ATP6V1E1: variants seen among roughly 807,000 people sequenced by gnomAD.
ATP6V1E1 encodes the protein ATPase H+ transporting V1 subunit E1, also known as V-type proton ATPase subunit E 1.
Under a neutral mutation model 35.2 loss-of-function variants are expected in ATP6V1E1, and 21 were observed. The ratio of observed to expected loss-of-function variants is 0.60; its 90% CI spans 0.42 to 0.86. The LOEUF is 0.86. Among genes scored for constraint, ATP6V1E1 ranks in the 40% least tolerant of loss-of-function variants. The probability of loss-of-function intolerance (pLI) is 0.00; values close to 1 mark genes in which losing one functional copy is unlikely to be tolerated. For synonymous variants in ATP6V1E1, 83 were observed against 87.8 expected (o/e 0.95, Z 0.30); for missense variants, 183 against 272.6 (o/e 0.67, Z 2.32).
intron 2 of ATP6V1E1, among the ~76,000 whole-genome samples, chr22:17,617,903 G>A (rs2057854916): frequency 6.6e-6 from 1 of 152,164 alleles, no homozygotes; most frequent in South Asian, 2.1e-4. Context: ...TCTGCATTCT[G>A]GGATCAAGCG....
intron 4 of ATP6V1E1, among the ~76,000 whole-genome samples, chr22:17,609,105 AAAACAAAACAAAC>A (rs1408660923): frequency 0.013 from 1,316 of 104,768 alleles, 21 homozygotes; most frequent in African/African-American, 0.061. Context: ...AAAACAAAAC[AAAACAAAACAAAC>A]AAACAAACAA....
At chr22:17,616,407 G>A (rs753785885) in intron 2 of ATP6V1E1, among the ~76,000 whole-genome samples, 2 of 152,166 alleles carry the variant, frequency 1.3e-5, no homozygotes, top group South Asian at 2.1e-4. Context: ...GGCCAGGCGT[G>A]GTGGCTCACG....
intron 7 of ATP6V1E1, chr22:17,597,903 T>G: frequency 2.7e-6 from 1 of 370,976 alleles, no homozygotes; most frequent in Non-Finnish European, 5.0e-6. Context: ...GGTCTCGATC[T>G]CTTGACCTTG....
intron 5 of ATP6V1E1, 108 bp from the exon 6 acceptor site, chr22:17,600,203 G>T: frequency 1.0e-6 from 1 of 977,744 alleles, no homozygotes; most frequent in Non-Finnish European, 1.6e-6. Flanking sequence ...GGAAGGCCAA[G>T]GCGGGCGGAT....
chr22:17,594,816 G>T, intron 7 of ATP6V1E1, 200 bp from the exon 8 acceptor site: 1 of 408,106 alleles, frequency 2.5e-6, no homozygotes, highest in Non-Finnish European at 4.4e-6. Context: ...CCGCCTAGAT[G>T]TCCATTATAT....
chr22:17,604,029 A>G (rs1461229545), intron 4 of ATP6V1E1, among the ~76,000 whole-genome samples: 1 of 152,216 alleles, frequency 6.6e-6, no homozygotes, highest in Admixed American at 6.5e-5. Context: ...GTAATTAAGG[A>G]GTTTTAAAAG....
chr22:17,618,324 A>G (rs138912990), intron 2 of ATP6V1E1, among the ~76,000 whole-genome samples: 2 of 152,292 alleles, frequency 1.3e-5, no homozygotes, highest in Admixed American at 1.3e-4. Flanking sequence ...AGGAAAATTT[A>G]TTTTTTAATG....
At chr22:17,593,049 C>T (rs2057713060) in intron 8 of ATP6V1E1, among the ~76,000 whole-genome samples, 1 of 151,942 alleles carries the variant, frequency 6.6e-6, no homozygotes, top group Admixed American at 6.6e-5. Flanking sequence ...CGGCCTCCCA[C>T]AGTGCTGGGA....
intron 1 of ATP6V1E1, among the ~76,000 whole-genome samples, chr22:17,626,870 G>A (rs2057908903): frequency 6.6e-6 from 1 of 151,362 alleles, no homozygotes; most frequent in Non-Finnish European, 1.5e-5. Context: ...TTAGAGATAA[G>A]GTCTATGTTG....
chr22:17,609,158 A>G (rs895039714), intron 4 of ATP6V1E1, among the ~76,000 whole-genome samples: 1 of 136,380 alleles, frequency 7.3e-6, no homozygotes, highest in African/African-American at 2.8e-5. Flanking sequence ...ATACAACTGC[A>G]CTTCCTTTTT....
At position 17,602,380 on chromosome 22, in the gene ATP6V1E1, C is replaced by CA. The variant is rs1555957419; in HGVS notation, c.277-1200_277-1199insT. Among the ~76,000 whole-genome samples the CA allele has an allele frequency of 5.4e-5, 8 of 147,386 alleles. No homozygotes were observed. The East Asian group carries it at 7.9e-4, about 15-fold the overall frequency. The stretch of plus-strand genomic sequence containing the variant: ...TTAAGGGCTAAAAGAAAACTCAAGG[C>CA]TTTTTTTTTTCTTTGAGACAGTCTC... On this transcript the variant is annotated intron_variant, in intron 4 of 8. Transcript: ENST00000253413.
At chr22:17,596,525 C>G (rs2057733236) in intron 7 of ATP6V1E1, among the ~76,000 whole-genome samples, 1 of 152,032 alleles carries the variant, frequency 6.6e-6, no homozygotes, top group Admixed American at 6.6e-5. Flanking sequence ...GAGGCCCTCA[C>G]CAGATGCAGC....
At chr22:17,627,530 A>G (rs910053519) in intron 1 of ATP6V1E1, among the ~76,000 whole-genome samples, 2 of 151,890 alleles carry the variant, frequency 1.3e-5, no homozygotes, top group East Asian at 3.9e-4. Context: ...GATTAACAGT[A>G]CATACAGGCC....
intron 4 of ATP6V1E1, among the ~76,000 whole-genome samples, chr22:17,603,053 T>G (rs1601377961): frequency 6.6e-6 from 1 of 152,056 alleles, no homozygotes; most frequent in Non-Finnish European, 1.5e-5. Flanking sequence ...ACCTCCCGGG[T>G]TCAAGCGATT....
intron 8 of ATP6V1E1, 137 bp from the exon 9 acceptor site, chr22:17,592,873 C>T (rs1029026025): frequency 5.4e-6 from 4 of 740,722 alleles, no homozygotes; most frequent in South Asian, 1.6e-5. Flanking sequence ...CGCATCTCCG[C>T]TCATTGCAAG....
intron 4 of ATP6V1E1, among the ~76,000 whole-genome samples, chr22:17,602,609 T>C (rs1343346473): frequency 6.6e-6 from 1 of 151,434 alleles, no homozygotes; most frequent in Non-Finnish European, 1.5e-5. Flanking sequence ...TCTCCTAACC[T>C]CGTGATCCGC....
intron 1 of ATP6V1E1, among the ~76,000 whole-genome samples, chr22:17,620,214 C>T (rs2057868855): frequency 6.7e-6 from 1 of 149,040 alleles, no homozygotes; most frequent in Admixed American, 6.8e-5. Flanking sequence ...GTGGCATGAT[C>T]TCGGCTCACT....
At chr22:17,612,664 T>C (rs947253648) in intron 4 of ATP6V1E1, 148 bp downstream of exon 4, 11 of 733,852 alleles carry the variant, frequency 1.5e-5, no homozygotes, top group African/African-American at 7.2e-5. Context: ...TTGGCTCTTA[T>C]TCACTTTTGT....
At chr22:17,613,922 G>A (rs1161991804) in intron 2 of ATP6V1E1, among the ~76,000 whole-genome samples, 1 of 152,050 alleles carries the variant, frequency 6.6e-6, no homozygotes, top group South Asian at 2.1e-4. Context: ...AGTGGAGATC[G>A]TGCCACTGCA....
Sources: allele counts gnomAD v4.1 joint callset (sites outside exome capture counted in the v4.1 genomes callset), GRCh38; gene constraint gnomAD v4.1.1; transcripts MANE v1.5; gene names NCBI Gene and HGNC (gene_info 2026-07-23, HGNC 2026-07-21).